The following SMARCAD1 variants were observed in gnomAD, a reference collection of about 807,000 sequenced individuals.
SMARCAD1 encodes SNF2 related chromatin remodeling ATPase with DExD box 1.
SMARCAD1 carries 25 observed loss-of-function variants against 127.1 expected under a neutral mutation model. That is an observed-to-expected ratio of 0.20 (90% CI 0.14 to 0.27). SMARCAD1 has a LOEUF of 0.27. SMARCAD1 is among the 10% of genes least tolerant of loss of function. SMARCAD1 has a pLI of 1.00. For synonymous variants in SMARCAD1, 400 were observed against 396.9 expected, an observed-to-expected ratio of 1.01 and a Z score of -0.09; for missense variants, 807 against 1,206.0, an observed-to-expected ratio of 0.67 and a Z score of 4.90.
In SMARCAD1 at chr4:94,264,709, C is replaced by G; in HGVS notation, c.1284C>G (p.Phe428Leu). ...LRPFNSWEAL[F>L]TKMSKTNGLS... ...TTATTTTTCTTTTTATGCTATAGTT[C>G]ACAAAGATGTCCAAAACTAATGGCT... The change falls in exon 10 of 24, where the codon TTC becomes TTG. Residue 428 changes from phenylalanine (F) to leucine (L), a missense_variant and splice_region_variant. Transcript: ENST00000354268. 1 of 1,610,570 alleles carries G rather than the reference C, an allele frequency of 6.2e-7. No homozygotes were observed. Among genetic ancestry groups the G allele is most frequent in the South Asian group, 1.1e-5 (1 of 90,714 alleles).
At chr4:94,237,691 A>G (rs1429320805) in intron 5 of SMARCAD1, among the ~76,000 whole-genome samples, 1 of 152,132 alleles carries the variant, frequency 6.6e-6, no homozygotes. Flanking sequence ...ATATTGGTTT[A>G]CATCTTTTAA....
At chr4:94,269,650 C>G (rs549681596) in intron 10 of SMARCAD1, among the ~76,000 whole-genome samples, 2 of 151,904 alleles carry the variant, frequency 1.3e-5, no homozygotes, top group Admixed American at 6.6e-5. Flanking sequence ...ACCATTTGAA[C>G]TATTGTTTTC....
intron 5 of SMARCAD1, among the ~76,000 whole-genome samples, chr4:94,238,071 G>A (rs971898718): frequency 3.3e-5 from 5 of 151,990 alleles, no homozygotes; most frequent in East Asian, 1.9e-4. Context: ...AATACAAAAC[G>A]ATGTGTTCCC....
At chr4:94,287,671 A>T (rs1243492865) in intron 23 of SMARCAD1, among the ~76,000 whole-genome samples, 1 of 152,204 alleles carries the variant, frequency 6.6e-6, no homozygotes, top group Non-Finnish European at 1.5e-5. Context: ...GATTCTGATA[A>T]AGCTAAAATC....
At chr4:94,277,276 A>G (rs1044879609) in intron 16 of SMARCAD1, 117 bp downstream of exon 16, 1 of 1,170,702 alleles carries the variant, frequency 8.5e-7, no homozygotes, top group Admixed American at 1.8e-5. Context: ...AGTAACTTTA[A>G]GTAGGTGATA....
chr4:94,278,584 A>ATGATTATCTTAAACTGT, intron 17 of SMARCAD1, 32 bp from the exon 18 acceptor site: 1 of 1,612,228 alleles, frequency 6.2e-7, no homozygotes, highest in South Asian at 1.1e-5. Flanking sequence ...CTTTACTAGA[A>ATGATTATCTTAAACTGT]TGATTATCTT....
intron 6 of SMARCAD1, among the ~76,000 whole-genome samples, chr4:94,241,642 A>G (rs922568573): frequency 9.2e-5 from 14 of 152,200 alleles, no homozygotes; most frequent in East Asian, 7.7e-4. Flanking sequence ...ATCTGTTACT[A>G]TATCTTTCAT....
rs1579154470 is a variant in SMARCAD1 at position 94,243,019 on chromosome 4, C to T, written c.705+2013C>T. Among the ~76,000 whole-genome samples the T allele has an allele frequency of 3.3e-5, 5 of 152,282 alleles. No individual in the cohort carries two copies. In the South Asian group the frequency reaches 8.3e-4, roughly 25 times the overall value. ...ACAGAGTCTCATCCTGTCGCCCAGG[C>T]ATGATCTCGGCTCACTGAAACCTCT... On this transcript the variant is annotated intron_variant, in intron 6 of 23. Transcript: ENST00000354268.
chr4:94,264,685 T>C (rs1451161383), intron 9 of SMARCAD1, 22 bp from the exon 10 acceptor site: 4 of 1,594,726 alleles, frequency 2.5e-6, no homozygotes. Context: ...ACTATTCAAT[T>C]ATTTTTCTTT....
rs920259196 is a variant in SMARCAD1 at position 94,281,390 on chromosome 4, A to G, written c.2608-82A>G. 11 of 928,208 alleles carry G rather than the reference A, an allele frequency of 1.2e-5. No homozygotes were observed. The African/African-American group carries it at 1.6e-4, about 14-fold the overall frequency. 57.5% of individuals were successfully genotyped at this position (928,208 alleles called of 1,614,324 possible). On this transcript the variant is annotated intron_variant, in intron 20 of 23. Coordinates refer to ENST00000354268, the MANE Select transcript of SMARCAD1 (RefSeq NM_020159.5). ...AATTTATCAACATGATATAAGTAAC[A>G]CTTCTAACTGTTTAAACCTGTCAAG...
At chr4:94,289,415 A>T in intron 23 of SMARCAD1, 58 bp from the exon 24 acceptor site, 2 of 1,441,362 alleles carry the variant, frequency 1.4e-6, no homozygotes, top group East Asian at 2.3e-5. Flanking sequence ...AATTGAGACA[A>T]TTTTTTTTTA....
At chr4:94,283,465 A>G (rs1222615695) in intron 22 of SMARCAD1, among the ~76,000 whole-genome samples, 162 bp downstream of exon 22, 3 of 152,194 alleles carry the variant, frequency 2.0e-5, no homozygotes, top group Non-Finnish European at 2.9e-5. Context: ...CAACTGCACT[A>G]CGTAACCCTT....
At chr4:94,232,577 TAAAG>T (rs1404660380) in intron 3 of SMARCAD1, among the ~76,000 whole-genome samples, 4 of 152,232 alleles carry the variant, frequency 2.6e-5, no homozygotes, top group Non-Finnish European at 5.9e-5. Flanking sequence ...GGCATAGTGA[TAAAG>T]GAAGAGGTGT....
chr4:94,246,752 CTG>C (rs1748490429), intron 6 of SMARCAD1, among the ~76,000 whole-genome samples: 3 of 152,156 alleles, frequency 2.0e-5, no homozygotes, highest in Admixed American at 6.5e-5. Context: ...ACTCTCTAGA[CTG>C]TGCAAAACCA....
At position 94,231,212 on chromosome 4, in the gene SMARCAD1, C is replaced by G. The variant is rs113126273; in HGVS notation, c.369-2742C>G. ...TGCTGTGTCCACAGTGCCCGGAAAC[C>G]CTGGCACATGGAATTAATTGAATTA... On this transcript the variant is annotated intron_variant, in intron 3 of 23. Transcript: ENST00000354268. Among the ~76,000 whole-genome samples the G allele has an allele frequency of 2.8e-3, 424 of 152,058 alleles. 5 individuals are homozygous for G. The highest frequency in any genetic ancestry group is 9.7e-3 in the African/African-American group (401 of 41,466).
chr4:94,215,440 G>T (rs990203584), intron 2 of SMARCAD1, among the ~76,000 whole-genome samples: 17 of 152,082 alleles, frequency 1.1e-4, no homozygotes, highest in African/African-American at 4.1e-4. Flanking sequence ...GGGCAATGTA[G>T]TGAGACCCTG....
rs748772735 is a variant in SMARCAD1, at chr4:94,258,149, AT to A, written c.1281+5154del. 5.6e-4 allele frequency among the ~76,000 whole-genome samples: 80 copies of A among 142,576 alleles called. 1 individual carries two copies. The highest frequency in any genetic ancestry group is 6.3e-4 in the Admixed American group (9 of 14,300). 93.5% of individuals were successfully genotyped at this position (142,576 alleles called of 152,430 possible). A position where few individuals can be genotyped will look rare whatever the true frequency, so the allele number is the denominator to read the frequency against. On this transcript the variant is annotated intron_variant, in intron 9 of 23. Transcript: ENST00000354268. Reference sequence around the variant, plus strand: ...TCCAGTTGCCTAAATTTCCCATCAGATTTTTTTTTTTTCTTTTCCTTCTTTC... The same window carrying A: ...TCCAGTTGCCTAAATTTCCCATCAGATTTTTTTTTTTCTTTTCCTTCTTTC...
At position 94,226,250 on chromosome 4, in the gene SMARCAD1, A is replaced by T; in HGVS notation, c.322A>T (p.Asn108Tyr). Residue 108 changes from asparagine (N) to tyrosine (Y), a missense_variant, in exon 3 of 24, where the codon AAT becomes TAT. By Grantham distance (143) the Asn-to-Tyr change is moderately radical (BLOSUM62 -2). Coordinates refer to ENST00000354268, the MANE Select transcript of SMARCAD1 (RefSeq NM_020159.5). Reference sequence around the variant, plus strand: ...AGATGTCGTTTCCCCAAATTGCTCCAATACAGTTCAAGAGAAAACATTCAA... The same window carrying T: ...AGATGTCGTTTCCCCAAATTGCTCCTATACAGTTCAAGAGAAAACATTCAA... ...SEDVVSPNCSNTVQEKTFNKD... is the reference protein window; with the variant it reads ...SEDVVSPNCSYTVQEKTFNKD... 2 of 1,613,404 alleles carry T rather than the reference A, an allele frequency of 1.2e-6. No homozygotes were observed. Among genetic ancestry groups the T allele is most frequent in the Non-Finnish European group, 1.7e-6 (2 of 1,179,496 alleles).
chr4:94,266,706 C>T (rs1178068000), intron 10 of SMARCAD1, among the ~76,000 whole-genome samples: 1 of 152,062 alleles, frequency 6.6e-6, no homozygotes, highest in African/African-American at 2.4e-5. Context: ...ATTAGACTAT[C>T]CTGATGAATA....
Sources: gnomAD v4.1 joint callset for allele counts (sites outside exome capture counted in the v4.1 genomes callset) on GRCh38, gnomAD v4.1.1 for gene constraint, MANE v1.5 for transcripts, NCBI Gene and HGNC (gene_info 2026-07-23, HGNC 2026-07-21) for gene names.